AGO2: variants seen among roughly 807,000 people sequenced by gnomAD.
AGO2 encodes the protein protein argonaute-2.
In AGO2, 5 loss-of-function variants were observed where a neutral mutation model predicts 102.3. That is an observed-to-expected ratio of 0.05 (90% confidence interval 0.03 to 0.10). The LOEUF (loss-of-function observed/expected upper bound fraction) is 0.10. AGO2 is among the 10% of genes least tolerant of loss of function. The pLI is 1.00. For synonymous variants in AGO2, 449 were observed against 473.1 expected, an observed-to-expected ratio of 0.95 and a Z score of 0.66; for missense variants, 541 against 1,183.7, an observed-to-expected ratio of 0.46 and a Z score of 7.97.
In AGO2 at chr8:140,628,703, T is replaced by C. The variant is rs184312181; in HGVS notation, c.22+6782A>G. 1.6e-4 allele frequency among the ~76,000 whole-genome samples: 24 copies of C among 152,062 alleles called. 1 individual carries two copies. In the East Asian group the frequency reaches 4.7e-3, roughly 30 times the overall value. ...AGGTTTGAACCCGTGAAGTCAGGGCTGCAGTGAGCCATGACTGTGCCACTG... is the reference window on the plus strand; with the variant it reads ...AGGTTTGAACCCGTGAAGTCAGGGCCGCAGTGAGCCATGACTGTGCCACTG... On this transcript the variant is annotated intron_variant, in intron 1 of 18. Transcript: ENST00000220592.
chr8:140,593,787 A>ATG (rs1357704592), intron 1 of AGO2, among the ~76,000 whole-genome samples: 2 of 152,112 alleles, frequency 1.3e-5, no homozygotes, highest in Admixed American at 1.3e-4. Flanking sequence ...CATCCTACAG[A>ATG]TGTGGTCCGA....
At chr8:140,633,490 A>G (rs1038797115) in intron 1 of AGO2, among the ~76,000 whole-genome samples, 4 of 152,226 alleles carry the variant, frequency 2.6e-5, no homozygotes, top group African/African-American at 9.6e-5. Context: ...TCCAAAAAGC[A>G]GCGAGTGACA....
intron 3 of AGO2, among the ~76,000 whole-genome samples, chr8:140,568,285 G>A (rs1380556722): frequency 5.8e-5 from 2 of 34,724 alleles, no homozygotes; most frequent in African/African-American, 8.9e-4. Context: ...CCATGTCTGG[G>A]GGAAAAAAAA....
intron 17 of AGO2, among the ~76,000 whole-genome samples, chr8:140,533,194 C>A (rs1254298830): frequency 6.7e-6 from 1 of 149,498 alleles, no homozygotes. Flanking sequence ...TCGAGACCAT[C>A]CTGGCTAACA....
rs1424431044 is a variant in AGO2, at chr8:140,528,058, T to A, written c.*3986A>T. On this transcript the variant is annotated 3_prime_UTR_variant, in exon 19 of 19. Coordinates refer to ENST00000220592, the MANE Select transcript of AGO2 (RefSeq NM_012154.5). This position sits in a 1 kb window ranked among gnomAD's most constrained non-coding sequence, Gnocchi z 4.5. ...ATCCTAGCGTATTGTATCAAATATATAATTTGACTGAAAAACTGCCTTGTA... is the reference window on the plus strand; with the variant it reads ...ATCCTAGCGTATTGTATCAAATATAAAATTTGACTGAAAAACTGCCTTGTA... 2 of 152,218 alleles carry A rather than the reference T, an allele frequency of 1.3e-5. No individual in the cohort carries two copies. Among genetic ancestry groups the A allele is most frequent in the Non-Finnish European group, 2.9e-5 (2 of 68,052 alleles). 9.4% of individuals were successfully genotyped at this position (152,218 alleles called of 1,614,324 possible).
At chr8:140,535,025 G>A (rs1173088972) in intron 17 of AGO2, among the ~76,000 whole-genome samples, 4 of 152,236 alleles carry the variant, frequency 2.6e-5, no homozygotes, top group Non-Finnish European at 5.9e-5. Context: ...CCTGGCCAGT[G>A]ATTGCGCGAG....
chr8:140,618,268 C>A (rs1047169244), intron 1 of AGO2, among the ~76,000 whole-genome samples: 1 of 151,168 alleles, frequency 6.6e-6, no homozygotes, highest in Non-Finnish European at 1.5e-5. Context: ...TGCAGTGAGC[C>A]GAGATCGTGC....
chr8:140,529,860 C>CTTTGAGACACA lies in AGO2; in HGVS notation c.*2173_*2183dup, dbSNP rs2072560472. Reference sequence around the variant, plus strand: ...CCTGACGCAGGTGGAAGAAACACACCTTTGAGACACATGGTTCCAGATGAT... The same window carrying CTTTGAGACACA: ...CCTGACGCAGGTGGAAGAAACACACCTTTGAGACACATTTGAGACACATGGTTCCAGATGAT... On this transcript the variant is annotated 3_prime_UTR_variant, in exon 19 of 19. Coordinates refer to ENST00000220592, the MANE Select transcript of AGO2 (RefSeq NM_012154.5). 6.6e-6 allele frequency: 1 copy of CTTTGAGACACA among 152,214 alleles called. No homozygotes were observed. Among genetic ancestry groups the CTTTGAGACACA allele is most frequent in the South Asian group, 2.1e-4 (1 of 4,832 alleles). 9.4% of individuals were successfully genotyped at this position (152,214 alleles called of 1,614,324 possible). A position where few individuals can be genotyped will look rare whatever the true frequency, so the allele number is the denominator to read the frequency against.
chr8:140,523,652 T>G lies in AGO2; in HGVS notation c.*8392A>C, dbSNP rs995030932. 1.3e-5 allele frequency: 2 copies of G among 152,188 alleles called. No individual in the cohort carries two copies. The highest frequency in any genetic ancestry group is 3.8e-4 in the East Asian group (2 of 5,198). 9.4% of individuals were successfully genotyped at this position (152,188 alleles called of 1,614,324 possible). A position where few individuals can be genotyped will look rare whatever the true frequency, so the allele number is the denominator to read the frequency against. On this transcript the variant is annotated 3_prime_UTR_variant, in exon 19 of 19. Transcript: ENST00000220592. ...AACATGAATTCATACCTTTAACAAC[T>G]ACATTAAAATCCACTATCAAACTCA...
chr8:140,577,643 G>T (rs1275653319), intron 2 of AGO2, among the ~76,000 whole-genome samples: 2 of 152,240 alleles, frequency 1.3e-5, no homozygotes, highest in Non-Finnish European at 2.9e-5. Flanking sequence ...CAGGCAGAGA[G>T]CTCGGGACAG....
chr8:140,562,913 C>A (rs1186249792), intron 3 of AGO2, among the ~76,000 whole-genome samples: 2 of 152,196 alleles, frequency 1.3e-5, no homozygotes, highest in East Asian at 3.8e-4. Context: ...CCTCGTTTCA[C>A]CCCCAAACAA....
At chr8:140,566,639 G>A (rs1362569636) in intron 3 of AGO2, among the ~76,000 whole-genome samples, 9 of 136,472 alleles carry the variant, frequency 6.6e-5, no homozygotes, top group East Asian at 6.6e-4. Flanking sequence ...AAGGTGTCCC[G>A]CTCTCAGTTA....
chr8:140,609,877 A>G (rs1013948876), intron 1 of AGO2, among the ~76,000 whole-genome samples: 1 of 151,880 alleles, frequency 6.6e-6, no homozygotes, highest in African/African-American at 2.4e-5. Flanking sequence ...ACGGGGGCTC[A>G]CACCTGTAAT....
chr8:140,577,025 A>G (rs1288229570), intron 2 of AGO2, among the ~76,000 whole-genome samples: 5 of 151,948 alleles, frequency 3.3e-5, no homozygotes, highest in African/African-American at 7.2e-5. Context: ...GGCTAACACA[A>G]TGAAACCCTG....
At chr8:140,611,712 C>T (rs1285951370) in intron 1 of AGO2, among the ~76,000 whole-genome samples, 2 of 152,094 alleles carry the variant, frequency 1.3e-5, no homozygotes, top group East Asian at 3.9e-4. Flanking sequence ...TGTGAGGCTA[C>T]CCCAAGGAGA....
At chr8:140,594,627 A>T (rs1169067639) in intron 1 of AGO2, among the ~76,000 whole-genome samples, 1 of 152,022 alleles carries the variant, frequency 6.6e-6, no homozygotes, top group African/African-American at 2.4e-5. Context: ...ATCTGTACAA[A>T]AAAAAATAAA....
chr8:140,544,252 G>A lies in AGO2; in HGVS notation c.1800C>T (p.His600=), dbSNP rs776660892. The change falls in exon 14 of 19, where the codon CAC becomes CAT. Residue 600 remains histidine, a synonymous_variant. Transcript: ENST00000220592. Reference sequence around the variant, plus strand: ...GCTTCTTCCCATCCCCGGCGGGGGGGTGAGTGACGTCTGCTCCCAGAAAGA... The same window carrying A: ...GCTTCTTCCCATCCCCGGCGGGGGGATGAGTGACGTCTGCTCCCAGAAAGA... The part of the protein sequence containing the change: ...PVIFLGADVT[H]PPAGDGKKPS... The A allele has an allele frequency of 4.4e-6, 7 of 1,598,208 alleles. No individual in the cohort carries two copies. The African/African-American group carries it at 5.4e-5, about 12-fold the overall frequency.
intron 1 of AGO2, among the ~76,000 whole-genome samples, chr8:140,591,057 G>T (rs1564104114): frequency 6.6e-6 from 1 of 152,246 alleles, no homozygotes. Context: ...ATGAAGGAGG[G>T]AAGGAAGCTC....
At chr8:140,624,531 G>T (rs1315730224) in intron 1 of AGO2, among the ~76,000 whole-genome samples, 2 of 152,348 alleles carry the variant, frequency 1.3e-5, no homozygotes, top group Admixed American at 1.3e-4. Context: ...ACACCCAGGA[G>T]ATGCAGCTGC....
Sources: allele counts gnomAD v4.1 joint callset (sites outside exome capture counted in the v4.1 genomes callset), GRCh38; gene constraint gnomAD v4.1.1; non-coding constraint Gnocchi (gnomAD v3.1); transcripts MANE v1.5; gene names NCBI Gene and HGNC (gene_info 2026-07-23, HGNC 2026-07-21).